Variants in PAMR1 observed in about 807,000 individuals in gnomAD.
The protein encoded by PAMR1 is inactive serine protease PAMR1.
PAMR1 carries 88 observed loss-of-function variants against 81.8 expected under a neutral mutation model. The ratio of observed to expected loss-of-function variants is 1.08; its 90% CI spans 0.91 to 1.28. PAMR1 has a LOEUF of 1.28. PAMR1 is among the 50% of genes most tolerant of loss of function. The pLI is 0.00. For synonymous variants in PAMR1, 336 were observed against 345.3 expected, an observed-to-expected ratio of 0.97 and a Z score of 0.30; for missense variants, 935 against 919.7, an observed-to-expected ratio of 1.02 and a Z score of -0.21.
chr11:35,448,460 G>A (rs1436605000), intron 6 of PAMR1, among the ~76,000 whole-genome samples: 2 of 152,048 alleles, frequency 1.3e-5, no homozygotes, highest in Middle Eastern at 3.2e-3. Flanking sequence ...GCATTGTGAA[G>A]TTCTTATGCT....
chr11:35,487,076 G>T (rs140034022), intron 3 of PAMR1, among the ~76,000 whole-genome samples: 2 of 152,204 alleles, frequency 1.3e-5, no homozygotes, highest in African/African-American at 4.8e-5. Context: ...CCTGATGGTT[G>T]CTGTCCCTTC....
intron 6 of PAMR1, among the ~76,000 whole-genome samples, chr11:35,455,040 G>A (rs191998639): frequency 2.2e-4 from 34 of 152,296 alleles, no homozygotes; most frequent in African/African-American, 6.0e-4. Context: ...GAATGACAGC[G>A]ACTGCCTTTT....
chr11:35,483,781 C>T (rs1158106987), intron 3 of PAMR1, among the ~76,000 whole-genome samples: 2 of 152,142 alleles, frequency 1.3e-5, no homozygotes, highest in African/African-American at 2.4e-5. Context: ...TATACCTTCA[C>T]CAGAAGCTGA....
At chr11:35,494,701 T>C (rs1327917099) in intron 1 of PAMR1, among the ~76,000 whole-genome samples, 1 of 152,196 alleles carries the variant, frequency 6.6e-6, no homozygotes, top group African/African-American at 2.4e-5. Context: ...TGCATTGCCC[T>C]GCCCGAATGA....
intron 1 of PAMR1, among the ~76,000 whole-genome samples, chr11:35,504,014 A>C (rs568033932): frequency 9.9e-5 from 15 of 152,202 alleles, no homozygotes; most frequent in Non-Finnish European, 5.9e-5. Flanking sequence ...TTGGTTTGTC[A>C]CATATGGCCT....
At chr11:35,445,692 G>T (rs984655254) in intron 6 of PAMR1, among the ~76,000 whole-genome samples, 1 of 152,134 alleles carries the variant, frequency 6.6e-6, no homozygotes, top group Non-Finnish European at 1.5e-5. Context: ...CAACTTGATC[G>T]TGGTGGATAA....
At chr11:35,512,605 C>T (rs978194248) in intron 1 of PAMR1, among the ~76,000 whole-genome samples, 8 of 152,118 alleles carry the variant, frequency 5.3e-5, no homozygotes, top group Admixed American at 3.9e-4. Context: ...TGGCCTTGGG[C>T]GAGTCACTAA....
At chr11:35,479,199 G>A (rs1850337324) in intron 3 of PAMR1, among the ~76,000 whole-genome samples, 2 of 152,136 alleles carry the variant, frequency 1.3e-5, no homozygotes, top group South Asian at 4.1e-4. Context: ...GAAAGAAAAG[G>A]AGGACTTAAA....
At position 35,432,015 on chromosome 11, in the gene PAMR1, G is replaced by C; in HGVS notation, c.*341C>G. ...CTCAAAAGGGGCCTCATGAAGCCCA[G>C]ATCTTCCCTGGTCAAGCTGATGGCA... On this transcript the variant is annotated 3_prime_UTR_variant, in exon 11 of 11. Transcript: ENST00000619888. The C allele has an allele frequency of 3.6e-6, 1 of 274,944 alleles. No homozygotes were observed. The highest frequency in any genetic ancestry group is 6.9e-6 in the Non-Finnish European group (1 of 143,956). The allele number at this position is 274,944 out of a possible 1,614,324, so 17.0% of individuals were successfully genotyped here.
chr11:35,448,783 A>G (rs1856349981), intron 6 of PAMR1, among the ~76,000 whole-genome samples: 1 of 152,146 alleles, frequency 6.6e-6, no homozygotes, highest in African/African-American at 2.4e-5. Flanking sequence ...GGGTTTATCT[A>G]CCTTCAATCT....
At chr11:35,444,249 T>C (rs1003401706) in intron 6 of PAMR1, among the ~76,000 whole-genome samples, 4 of 152,178 alleles carry the variant, frequency 2.6e-5, no homozygotes, top group African/African-American at 9.7e-5. Flanking sequence ...TATTAGACCT[T>C]TGTCAGTTGG....
chr11:35,505,295 T>C (rs1334369025), intron 1 of PAMR1, among the ~76,000 whole-genome samples: 2 of 152,160 alleles, frequency 1.3e-5, no homozygotes, highest in African/African-American at 4.8e-5. Context: ...CATGTTCTGA[T>C]GAAAATAATG....
intron 1 of PAMR1, among the ~76,000 whole-genome samples, chr11:35,510,220 C>T (rs1175523265): frequency 6.6e-6 from 1 of 152,166 alleles, no homozygotes; most frequent in African/African-American, 2.4e-5. Context: ...CACAATTGCA[C>T]AGCCTCCCCA....
chr11:35,470,860 GGACAGTCCTGA>G, intron 4 of PAMR1, 42 bp from the exon 5 acceptor site: 1 of 1,426,262 alleles, frequency 7.0e-7, no homozygotes, highest in Non-Finnish European at 9.9e-7. Flanking sequence ...GATGGGCCCT[GGACAGTCCTGA>G]GACCGCTGGG....
chr11:35,506,863 A>C (rs1850968456), intron 1 of PAMR1, among the ~76,000 whole-genome samples: 1 of 126,898 alleles, frequency 7.9e-6, no homozygotes, highest in Admixed American at 8.2e-5. Context: ...AAGTTTAGAA[A>C]GTTTTTTAGT....
intron 3 of PAMR1, among the ~76,000 whole-genome samples, chr11:35,482,771 C>G (rs935681826): frequency 6.6e-6 from 1 of 152,008 alleles, no homozygotes; most frequent in African/African-American, 2.4e-5. Flanking sequence ...ATCTGTATTC[C>G]TAGGTGTTTT....
chr11:35,495,392 T>C (rs1267769585), intron 1 of PAMR1, among the ~76,000 whole-genome samples: 1 of 152,170 alleles, frequency 6.6e-6, no homozygotes, highest in Non-Finnish European at 1.5e-5. Flanking sequence ...TCATTTTCTT[T>C]TTTTATATAT....
chr11:35,448,028 A>T (rs1242302259), intron 6 of PAMR1, among the ~76,000 whole-genome samples: 2 of 152,170 alleles, frequency 1.3e-5, no homozygotes, highest in Non-Finnish European at 2.9e-5. Flanking sequence ...GTTTGATGGC[A>T]TTCCCTTTGT....
intron 1 of PAMR1, among the ~76,000 whole-genome samples, chr11:35,505,345 G>A (rs748618664): frequency 3.3e-5 from 5 of 152,078 alleles, no homozygotes; most frequent in Non-Finnish European, 5.9e-5. Flanking sequence ...CTGGGTAAAT[G>A]TCAGTTGGAT....
Sources: allele counts gnomAD v4.1 joint callset (sites outside exome capture counted in the v4.1 genomes callset), GRCh38; gene constraint gnomAD v4.1.1; transcripts MANE v1.5; gene names NCBI Gene and HGNC (gene_info 2026-07-23, HGNC 2026-07-21).